GLIS3: variants seen among roughly 807,000 people sequenced by gnomAD.
The protein encoded by GLIS3 is GLIS family zinc finger 3, also known as zinc finger protein GLIS3.
GLIS3 carries 53 observed loss-of-function variants against 78.6 expected under a neutral mutation model. That is an observed-to-expected ratio of 0.67 (90% CI 0.54 to 0.85). The LOEUF is 0.85. GLIS3 is among the 40% of genes least tolerant of loss of function. GLIS3 has a pLI of 0.00. For missense variants in GLIS3, 1,703 were observed against 1,231.1 expected (o/e 1.38, Z -5.74); for synonymous variants, 684 against 509.9 (o/e 1.34, Z -4.60).
At chr9:4,195,691 C>T (rs10121437) in intron 2 of GLIS3, among the ~76,000 whole-genome samples, 41,655 of 152,254 alleles carry the variant, frequency 0.27, 6,165 homozygotes, top group East Asian at 0.36. Context: ...CGGGCAGCTC[C>T]GCCCATGGCC....
chr9:4,142,012 C>T (rs184814256), intron 2 of GLIS3, among the ~76,000 whole-genome samples: 2 of 152,180 alleles, frequency 1.3e-5, no homozygotes, highest in East Asian at 1.9e-4. Context: ...CTTGTAGATG[C>T]GAATCCAGAC....
At chr9:3,945,837 CAGAG>C (rs990002317) in intron 4 of GLIS3, among the ~76,000 whole-genome samples, 11 of 151,906 alleles carry the variant, frequency 7.2e-5, no homozygotes, top group African/African-American at 1.9e-4. Context: ...ACAAAAAAAA[CAGAG>C]AGAAAGAGAC....
intron 4 of GLIS3, among the ~76,000 whole-genome samples, chr9:4,077,415 G>A (rs543694940): frequency 2.6e-5 from 4 of 152,276 alleles, no homozygotes; most frequent in Non-Finnish European, 4.4e-5. Context: ...CTTAGAGACA[G>A]GAGAGGGACT....
chr9:4,094,557 A>G (rs917754268), intron 4 of GLIS3, among the ~76,000 whole-genome samples: 2 of 152,236 alleles, frequency 1.3e-5, no homozygotes, highest in Non-Finnish European at 2.9e-5. Flanking sequence ...TTCCGTTACT[A>G]CCATGGCAAA....
intron 4 of GLIS3, among the ~76,000 whole-genome samples, chr9:3,940,917 C>T (rs1208043127): frequency 6.6e-6 from 1 of 152,176 alleles, no homozygotes; most frequent in Non-Finnish European, 1.5e-5. Flanking sequence ...GGGCAGGTTA[C>T]ATACTGACGC....
chr9:4,435,426 C>T, the GLIS3 span, among the ~76,000 whole-genome samples: 1 of 152,172 alleles, frequency 6.6e-6, no homozygotes, highest in Admixed American at 6.5e-5. Flanking sequence ...TTTTCACTTG[C>T]ATGTGGAGCA....
At chr9:4,313,693 C>T (rs1021677397) in intron 2 of GLIS3, among the ~76,000 whole-genome samples, 6 of 152,156 alleles carry the variant, frequency 3.9e-5, no homozygotes, top group African/African-American at 1.4e-4. Flanking sequence ...TGAGTTTTAC[C>T]TCTGCTGAGA....
intron 6 of GLIS3, among the ~76,000 whole-genome samples, chr9:3,928,687 T>C (rs544333178): frequency 6.6e-6 from 1 of 152,364 alleles, no homozygotes; most frequent in East Asian, 1.9e-4. Flanking sequence ...GTAGGACATA[T>C]AAATGTGTGT....
At chr9:4,102,879 T>A (rs775869114) in intron 4 of GLIS3, among the ~76,000 whole-genome samples, 1 of 152,012 alleles carries the variant, frequency 6.6e-6, no homozygotes, top group South Asian at 2.1e-4. Flanking sequence ...TTCTTTTCTA[T>A]GTCATCCTTA....
chr9:4,216,802 T>C (rs1820893164), intron 2 of GLIS3, among the ~76,000 whole-genome samples: 1 of 152,186 alleles, frequency 6.6e-6, no homozygotes, highest in Admixed American at 6.5e-5. Context: ...AAGAACAGGA[T>C]GTGGGGGAGG....
the GLIS3 span, among the ~76,000 whole-genome samples, chr9:4,391,014 C>G: frequency 6.6e-6 from 1 of 152,226 alleles, no homozygotes; most frequent in Non-Finnish European, 1.5e-5. Context: ...TCTCTGTCTA[C>G]TCATCCTCCT....
the GLIS3 span, among the ~76,000 whole-genome samples, chr9:4,449,611 T>C: frequency 6.6e-6 from 1 of 152,120 alleles, no homozygotes; most frequent in Non-Finnish European, 1.5e-5. Context: ...CCCATTGGGA[T>C]GAAGCTTCCA....
At chr9:4,111,656 G>A (rs546481920) in intron 4 of GLIS3, among the ~76,000 whole-genome samples, 2 of 152,186 alleles carry the variant, frequency 1.3e-5, no homozygotes, top group Non-Finnish European at 2.9e-5. Context: ...ACATATATGT[G>A]TCTACACTAT....
At chr9:4,291,649 G>T (rs1182427905) in intron 1 of GLIS3, among the ~76,000 whole-genome samples, 2 of 152,042 alleles carry the variant, frequency 1.3e-5, no homozygotes, top group African/African-American at 4.8e-5. Flanking sequence ...GACCACATCC[G>T]ATTCAGGAAT....
intron 4 of GLIS3, among the ~76,000 whole-genome samples, chr9:4,306,404 G>A (rs957122381): frequency 2.6e-5 from 4 of 152,212 alleles, no homozygotes; most frequent in African/African-American, 4.8e-5. Context: ...CACAATGCCC[G>A]CTTTCAGACC....
intron 4 of GLIS3, among the ~76,000 whole-genome samples, chr9:4,043,076 A>G (rs1359729971): frequency 1.3e-5 from 2 of 152,124 alleles, no homozygotes; most frequent in Non-Finnish European, 2.9e-5. Context: ...CCGGAGCCAC[A>G]ATGCTCTCAG....
chr9:4,073,464 A>G (rs1362003384), intron 4 of GLIS3, among the ~76,000 whole-genome samples: 2 of 152,190 alleles, frequency 1.3e-5, no homozygotes, highest in Non-Finnish European at 2.9e-5. Context: ...AAAGTCACTC[A>G]TAAGTGGATC....
At chr9:4,257,485 C>CA (rs1464567551) in intron 2 of GLIS3, among the ~76,000 whole-genome samples, 1 of 151,946 alleles carries the variant, frequency 6.6e-6, no homozygotes, top group Non-Finnish European at 1.5e-5. Context: ...ACTCTTACCA[C>CA]AAAAAAGCAA....
chr9:4,382,555 G>A, the GLIS3 span, among the ~76,000 whole-genome samples: 38 of 152,206 alleles, frequency 2.5e-4, no homozygotes, highest in African/African-American at 9.2e-4. Context: ...GACTTCTAGA[G>A]TATTTCTCCA....
Sources: allele counts gnomAD v4.1 joint callset (sites outside exome capture counted in the v4.1 genomes callset), GRCh38; gene constraint gnomAD v4.1.1; transcripts MANE v1.5; gene names NCBI Gene and HGNC (gene_info 2026-07-23, HGNC 2026-07-21).